Variants in ZNF141 observed in about 807,000 individuals in gnomAD.
ZNF141 encodes the protein zinc finger protein 141 (clone pHZ-44).
In ZNF141, 7 loss-of-function variants were observed where a neutral mutation model predicts 11.3. The ratio of observed to expected loss-of-function variants is 0.62; its 90% CI spans 0.35 to 1.16. ZNF141 has a LOEUF of 1.16. Ranked by LOEUF, ZNF141 falls within the 50% of genes most tolerant of loss-of-function variation. The pLI is 0.02. For synonymous variants in ZNF141, 183 were observed against 190.7 expected (o/e 0.96, Z 0.33); for missense variants, 535 against 554.0 (o/e 0.97, Z 0.34).
At chr4:360,863 T>C (rs1285456338) in intron 3 of ZNF141, among the ~76,000 whole-genome samples, 1 of 151,238 alleles carries the variant, frequency 6.6e-6, no homozygotes, top group Non-Finnish European at 1.5e-5. Flanking sequence ...TATATGGTAT[T>C]TGCCTGTATA....
rs1375686092 is a variant in ZNF141 at position 381,576 on chromosome 4, A to ATT, written c.*7718_*7719dup. Among the ~76,000 whole-genome samples, 1 of 151,354 alleles carries ATT rather than the reference A, an allele frequency of 6.6e-6. No individual in the cohort carries two copies. The highest frequency in any genetic ancestry group is 1.5e-5 in the Non-Finnish European group (1 of 67,874). On this transcript the variant is annotated 3_prime_UTR_variant, in exon 4 of 4. Transcript: ENST00000240499. ...AGGTGCGCCCCACCACGCCTGAAAA[A>ATT]TTTTTGTATTTTTAGTAGAGACGGG...
chr4:359,585 G>A (rs1241485616), intron 3 of ZNF141, among the ~76,000 whole-genome samples: 1 of 152,110 alleles, frequency 6.6e-6, no homozygotes, highest in Non-Finnish European at 1.5e-5. Context: ...ACTTCTCCCT[G>A]CCTCTAGCTG....
chr4:367,266 G>A (rs1248610906), intron 3 of ZNF141, among the ~76,000 whole-genome samples: 1 of 152,108 alleles, frequency 6.6e-6, no homozygotes, highest in Non-Finnish European at 1.5e-5. Context: ...TTTCCAATAT[G>A]AGTCTATCTG....
rs1192870122 is a variant in ZNF141, at chr4:376,151, C to T, written c.*2289C>T. On this transcript the variant is annotated 3_prime_UTR_variant, in exon 4 of 4. Coordinates refer to ENST00000240499, the MANE Select transcript of ZNF141 (RefSeq NM_003441.4). ...CTTGAATGAAGTGTCATTATGCCAC[C>T]AACTTAAACCTATCCCACCTTACTC... Among the ~76,000 whole-genome samples, 1 of 151,882 alleles carries T rather than the reference C, an allele frequency of 6.6e-6. No homozygotes were observed. The highest frequency in any genetic ancestry group is 1.5e-5 in the Non-Finnish European group (1 of 67,856).
At chr4:369,735 GAGATATATAT>G (rs1185582226) in intron 3 of ZNF141, among the ~76,000 whole-genome samples, 20 of 16,158 alleles carry the variant, frequency 1.2e-3, no homozygotes, top group South Asian at 6.4e-3. Context: ...ATTTCTTAAA[GAGATATATAT>G]ATATATATAT....
At chr4:358,331 A>C (rs1721947740) in intron 3 of ZNF141, 1 of 351,700 alleles carries the variant, frequency 2.8e-6, no homozygotes, top group African/African-American at 2.3e-5. Context: ...GGGATTAGTC[A>C]TGAGCCACCA....
chr4:362,862 C>T (rs1553852409), intron 3 of ZNF141, among the ~76,000 whole-genome samples: 2 of 152,162 alleles, frequency 1.3e-5, no homozygotes, highest in Non-Finnish European at 2.9e-5. Flanking sequence ...GCAATGCAGG[C>T]TCTTTTTTGG....
intron 3 of ZNF141, among the ~76,000 whole-genome samples, chr4:367,580 G>A (rs1214872195): frequency 2.7e-5 from 4 of 150,200 alleles, no homozygotes; most frequent in Admixed American, 1.3e-4. Flanking sequence ...GCAGTGGTGC[G>A]ATATCAGTTC....
Position 382,482 on chromosome 4 carries a change from C to CA in ZNF141, c.*8626dup, listed in dbSNP as rs1553855847. 1.3e-5 allele frequency: 2 copies of CA among 152,158 alleles called. No homozygotes were observed. The highest frequency in any genetic ancestry group is 3.9e-4 in the East Asian group (2 of 5,186). 9.4% of individuals were successfully genotyped at this position (152,158 alleles called of 1,614,324 possible). On this transcript the variant is annotated 3_prime_UTR_variant, in exon 4 of 4. Coordinates refer to ENST00000240499, the MANE Select transcript of ZNF141 (RefSeq NM_003441.4). Reference sequence around the variant, plus strand: ...AAAAATCATAAATAGTCAACAAATGCAAAAAATGCAAAGAATTTGTAGGTA... The same window carrying CA: ...AAAAATCATAAATAGTCAACAAATGCAAAAAAATGCAAAGAATTTGTAGGTA...
chr4:348,705 G>A (rs1397699142), intron 3 of ZNF141, among the ~76,000 whole-genome samples: 1 of 151,102 alleles, frequency 6.6e-6, no homozygotes, highest in Non-Finnish European at 1.5e-5. Flanking sequence ...CTCCAGCCTG[G>A]GTGACAGAGC....
At chr4:341,620 C>T (rs1382343042) in intron 1 of ZNF141, among the ~76,000 whole-genome samples, 1 of 152,040 alleles carries the variant, frequency 6.6e-6, no homozygotes, top group Non-Finnish European at 1.5e-5. Context: ...AAGACAAAAC[C>T]GAAAGTACTT....
intron 3 of ZNF141, among the ~76,000 whole-genome samples, chr4:367,052 T>C (rs1411489989): frequency 6.6e-6 from 1 of 152,240 alleles, no homozygotes; most frequent in African/African-American, 2.4e-5. Flanking sequence ...ATAGATCATA[T>C]GTACCTCAAT....
intron 3 of ZNF141, among the ~76,000 whole-genome samples, chr4:348,025 T>C (rs1174359594): frequency 2.0e-5 from 3 of 151,706 alleles, no homozygotes; most frequent in African/African-American, 7.3e-5. Flanking sequence ...TTTGTATTTT[T>C]AGTAGAGACG....
intron 3 of ZNF141, among the ~76,000 whole-genome samples, chr4:364,513 T>G (rs1471941048): frequency 1.3e-5 from 2 of 152,242 alleles, no homozygotes; most frequent in African/African-American, 4.8e-5. Flanking sequence ...TGGTAGTTTC[T>G]ATTTCTGTGG....
intron 3 of ZNF141, among the ~76,000 whole-genome samples, chr4:371,765 C>T (rs1581625067): frequency 6.6e-6 from 1 of 151,812 alleles, no homozygotes; most frequent in East Asian, 1.9e-4. Flanking sequence ...TGGTCTCTAT[C>T]TCCTGACCTC....
Position 375,644 on chromosome 4 carries a change from AT to A in ZNF141, c.*1787del, listed in dbSNP as rs1292089176. Among the ~76,000 whole-genome samples, 1 of 152,080 alleles carries A rather than the reference AT, an allele frequency of 6.6e-6. No homozygotes were observed. The highest frequency in any genetic ancestry group is 1.5e-5 in the Non-Finnish European group (1 of 67,912). On this transcript the variant is annotated 3_prime_UTR_variant, in exon 4 of 4. Transcript: ENST00000240499. ...TCTTTGTATATAAGTTGAAAAGAAG[AT>A]TTTTGAAGAGATACTACATTTAAAG...
intron 3 of ZNF141, among the ~76,000 whole-genome samples, chr4:351,481 C>T (rs1721601351): frequency 6.6e-6 from 1 of 152,100 alleles, no homozygotes; most frequent in Non-Finnish European, 1.5e-5. Flanking sequence ...CCCTCGGCCT[C>T]CAAAAGTGCT....
At chr4:358,273 T>C (rs1721942847) in intron 3 of ZNF141, 5 of 380,878 alleles carry the variant, frequency 1.3e-5, no homozygotes, top group Admixed American at 7.0e-5. Context: ...CTGCAACCTC[T>C]ACCTCCCGAG....
At position 373,300 on chromosome 4, in the gene ZNF141, G is replaced by A; in HGVS notation, c.863G>A (p.Cys288Tyr). The change falls in exon 4 of 4, where the codon TGT becomes TAT. Residue 288 changes from cysteine to tyrosine, a missense_variant. Transcript: ENST00000240499. ...GAGAAACCCATCACATGTGAAGAAT[G>A]TAGGAAAATCTTTACCTCATCCTCA... ...AGEKPITCEE[C>Y]RKIFTSSSNF... is the part of the protein sequence containing the mutation. 6.2e-7 allele frequency: 1 copy of A among 1,613,994 alleles called. No homozygotes were observed. Among genetic ancestry groups the A allele is most frequent in the Non-Finnish European group, 8.5e-7 (1 of 1,179,990 alleles).
Sources: allele counts gnomAD v4.1 joint callset (sites outside exome capture counted in the v4.1 genomes callset), GRCh38; gene constraint gnomAD v4.1.1; transcripts MANE v1.5; gene names NCBI Gene and HGNC (gene_info 2026-07-23, HGNC 2026-07-21).